The following CERS6 variants were observed in gnomAD, a reference collection of about 807,000 sequenced individuals.
CERS6 encodes ceramide synthase 6.
Under a neutral mutation model 56.8 loss-of-function variants are expected in CERS6, and 26 were observed. The observed-to-expected ratio is 0.46, with a 90% CI of 0.34 to 0.63. The LOEUF (loss-of-function observed/expected upper bound fraction) is 0.63. CERS6 is among the 30% of genes least tolerant of loss of function. The pLI is 0.01. For synonymous variants in CERS6, 164 were observed against 173.3 expected, an observed-to-expected ratio of 0.95 and a Z score of 0.42; for missense variants, 415 against 467.5, an observed-to-expected ratio of 0.89 and a Z score of 1.04.
At chr2:168,609,060 G>C (rs1266273261) in intron 3 of CERS6, among the ~76,000 whole-genome samples, 1 of 152,194 alleles carries the variant, frequency 6.6e-6, no homozygotes, top group African/African-American at 2.4e-5. Context: ...CCTGCTGCCT[G>C]TATCTTTTTA....
chr2:168,686,288 C>G (rs545734669), intron 4 of CERS6, among the ~76,000 whole-genome samples: 1 of 151,436 alleles, frequency 6.6e-6, no homozygotes, highest in African/African-American at 2.4e-5. Flanking sequence ...CTCCTTGTAA[C>G]GCCACCAACC....
intron 8 of CERS6, among the ~76,000 whole-genome samples, chr2:168,764,495 C>G (rs1684674819): frequency 6.6e-6 from 1 of 152,122 alleles, no homozygotes; most frequent in Non-Finnish European, 1.5e-5. Flanking sequence ...ATACTCATTT[C>G]AAGGCATCAT....
intron 4 of CERS6, among the ~76,000 whole-genome samples, chr2:168,674,643 G>A (rs904622164): frequency 6.6e-6 from 1 of 152,216 alleles, no homozygotes; most frequent in South Asian, 2.1e-4. Context: ...CAGTAATGTA[G>A]CAAAGAAACT....
chr2:168,754,151 G>A (rs967029033), intron 8 of CERS6, among the ~76,000 whole-genome samples: 9 of 152,122 alleles, frequency 5.9e-5, no homozygotes, highest in African/African-American at 2.2e-4. Flanking sequence ...GAGGCACTAT[G>A]GGTCCGTGTC....
chr2:168,693,776 C>T (rs560936517), intron 5 of CERS6, among the ~76,000 whole-genome samples: 2 of 152,230 alleles, frequency 1.3e-5, no homozygotes, highest in South Asian at 2.1e-4. Context: ...CTCCAAATAC[C>T]GTCACATTGG....
intron 3 of CERS6, among the ~76,000 whole-genome samples, chr2:168,603,610 G>A (rs953177311): frequency 6.6e-6 from 1 of 152,212 alleles, no homozygotes; most frequent in African/African-American, 2.4e-5. Flanking sequence ...GCATTCCAAT[G>A]CTCTTTTAAC....
intron 4 of CERS6, among the ~76,000 whole-genome samples, chr2:168,637,145 A>G (rs1323127927): frequency 6.6e-6 from 1 of 152,152 alleles, no homozygotes; most frequent in Non-Finnish European, 1.5e-5. Flanking sequence ...ATATCTTCTT[A>G]TATTTTGACC....
intron 3 of CERS6, among the ~76,000 whole-genome samples, chr2:168,586,706 C>A (rs558573680): frequency 6.6e-6 from 1 of 152,188 alleles, no homozygotes; most frequent in East Asian, 1.9e-4. Context: ...TCTGTCTGTA[C>A]CCCTGATAAG....
At chr2:168,459,492 T>A (rs997203154) in intron 1 of CERS6, among the ~76,000 whole-genome samples, 8 of 152,230 alleles carry the variant, frequency 5.3e-5, no homozygotes, top group Non-Finnish European at 7.3e-5. Context: ...TGGGGCAGCC[T>A]AAGGTCAATG....
chr2:168,525,837 C>T (rs1165718646), intron 1 of CERS6, among the ~76,000 whole-genome samples: 1 of 152,182 alleles, frequency 6.6e-6, no homozygotes, highest in Non-Finnish European at 1.5e-5. Context: ...ACTCTATGAG[C>T]TGTTGCCCCT....
At chr2:168,458,744 T>C (rs1205803014) in intron 1 of CERS6, among the ~76,000 whole-genome samples, 1 of 152,268 alleles carries the variant, frequency 6.6e-6, no homozygotes, top group Non-Finnish European at 1.5e-5. Context: ...CACAGAATGC[T>C]ACTGACTTTT....
At chr2:168,705,954 T>C (rs1686929891) in intron 6 of CERS6, among the ~76,000 whole-genome samples, 1 of 152,180 alleles carries the variant, frequency 6.6e-6, no homozygotes, top group African/African-American at 2.4e-5. Context: ...TTAAAAGCTG[T>C]GCAAACTAGT....
At chr2:168,649,965 A>G (rs1834269) in intron 4 of CERS6, among the ~76,000 whole-genome samples, 2,589 of 152,234 alleles carry the variant, frequency 0.017, 101 homozygotes, top group East Asian at 0.16. Flanking sequence ...CTTTTTATCT[A>G]GGAGGTATAT....
intron 8 of CERS6, among the ~76,000 whole-genome samples, chr2:168,736,019 A>G (rs1222733314): frequency 6.6e-6 from 1 of 152,118 alleles, no homozygotes; most frequent in Non-Finnish European, 1.5e-5. Context: ...TAGCCTGGGT[A>G]ATAATGCAAG....
chr2:168,703,101 A>C (rs745395956), intron 6 of CERS6, among the ~76,000 whole-genome samples: 3 of 152,220 alleles, frequency 2.0e-5, no homozygotes, highest in Non-Finnish European at 4.4e-5. Context: ...AATGTGTTTT[A>C]AATATTTTTA....
intron 4 of CERS6, among the ~76,000 whole-genome samples, chr2:168,653,364 A>C (rs1481344509): frequency 6.6e-6 from 1 of 152,226 alleles, no homozygotes; most frequent in African/African-American, 2.4e-5. Context: ...TCTGACACAG[A>C]TAATGGCCAT....
rs908291399 is a variant in CERS6 at position 168,775,012 on chromosome 2, T to C, written c.*5350T>C. The C allele has an allele frequency of 2.6e-5, 4 of 152,260 alleles. No homozygotes were observed. Among genetic ancestry groups the C allele is most frequent in the Non-Finnish European group, 5.9e-5 (4 of 68,046 alleles). The allele number at this position is 152,260 out of a possible 1,614,324, so 9.4% of individuals were successfully genotyped here. On this transcript the variant is annotated 3_prime_UTR_variant, in exon 10 of 10. Coordinates refer to ENST00000305747, the MANE Select transcript of CERS6 (RefSeq NM_203463.3). ...AGAATTATTTTATGTATTGTTATTGTGTTTTGCTGATTTTTATATGAAAAT... is the reference window on the plus strand; with the variant it reads ...AGAATTATTTTATGTATTGTTATTGCGTTTTGCTGATTTTTATATGAAAAT...
At chr2:168,528,910 A>G (rs927498135) in intron 1 of CERS6, among the ~76,000 whole-genome samples, 3 of 152,234 alleles carry the variant, frequency 2.0e-5, no homozygotes, top group African/African-American at 7.2e-5. Context: ...AAGGCCTTGA[A>G]TTCAAATAAA....
intron 1 of CERS6, among the ~76,000 whole-genome samples, chr2:168,527,730 A>AT (rs544450419): frequency 2.0e-5 from 3 of 152,070 alleles, no homozygotes; most frequent in East Asian, 3.9e-4. Flanking sequence ...CCCGCCATCC[A>AT]TTTTTTTGGA....
Sources: gnomAD v4.1 joint callset for allele counts (sites outside exome capture counted in the v4.1 genomes callset) on GRCh38, gnomAD v4.1.1 for gene constraint, MANE v1.5 for transcripts, NCBI Gene and HGNC (gene_info 2026-07-23, HGNC 2026-07-21) for gene names.